The following CHAF1A variants were observed in gnomAD, a reference collection of about 807,000 sequenced individuals.
CHAF1A encodes the protein chromatin assembly factor 1 subunit A.
Under a neutral mutation model 93.2 loss-of-function variants are expected in CHAF1A, and 5 were observed. The ratio of observed to expected loss-of-function variants is 0.05; its 90% CI spans 0.03 to 0.11. CHAF1A has a LOEUF of 0.11. Ranked by LOEUF, CHAF1A falls within the 10% of genes least tolerant of loss-of-function variation. CHAF1A has a pLI of 1.00. For missense variants in CHAF1A, 1,102 were observed against 1,259.9 expected, an observed-to-expected ratio of 0.87 and a Z score of 1.90; for synonymous variants, 504 against 510.3, an observed-to-expected ratio of 0.99 and a Z score of 0.17.
chr19:4,437,047 G>A (rs1169775063), intron 13 of CHAF1A, among the ~76,000 whole-genome samples: 3 of 152,232 alleles, frequency 2.0e-5, no homozygotes, highest in Non-Finnish European at 2.9e-5. Context: ...ACCTGCTAAT[G>A]GATGGCAGTG....
intron 2 of CHAF1A, among the ~76,000 whole-genome samples, chr19:4,407,330 A>G (rs778929004): frequency 3.3e-5 from 5 of 151,624 alleles, no homozygotes; most frequent in Admixed American, 2.0e-4. Context: ...AAGTGAACAT[A>G]GGTTCTTTGG....
At chr19:4,446,598 G>A (rs371513236), downstream of CHAF1A, 15 of 1,612,540 alleles carry the variant, frequency 9.3e-6, no homozygotes, top group African/African-American at 1.9e-4. Flanking sequence ...GGAAGACGCG[G>A]CGCTGCCTGT....
At chr19:4,421,564 G>T (rs547831714) in intron 4 of CHAF1A, among the ~76,000 whole-genome samples, 1 of 152,136 alleles carries the variant, frequency 6.6e-6, no homozygotes, top group East Asian at 2.0e-4. Flanking sequence ...ATTGTTTGAG[G>T]CCACGTGTTC....
In CHAF1A at chr19:4,433,593, G is replaced by GT; in HGVS notation, c.2673+60dup. 1.5e-6 allele frequency: 2 copies of GT among 1,376,668 alleles called. No homozygotes were observed. The highest frequency in any genetic ancestry group is 2.0e-6 in the Non-Finnish European group (2 of 1,015,490). 85.3% of individuals were successfully genotyped at this position (1,376,668 alleles called of 1,614,324 possible). Reference sequence around the variant, plus strand: ...CTGCAGGGCTTTTCTTTTTTTGTTTGTTTTTTGTTGTTTTGTTTTTTTTTC... The same window carrying GT: ...CTGCAGGGCTTTTCTTTTTTTGTTTGTTTTTTTGTTGTTTTGTTTTTTTTTC... On this transcript the variant is annotated intron_variant, in intron 13 of 14. Transcript: ENST00000301280. The surrounding 1 kb of genome is among the most constrained non-coding windows in gnomAD (Gnocchi z 5.6).
rs904077403 is a variant in CHAF1A, at chr19:4,443,348, G to A, written c.*323G>A. The A allele has an allele frequency of 2.6e-5, 9 of 350,556 alleles. No homozygotes were observed. Among genetic ancestry groups the A allele is most frequent in the African/African-American group, 1.1e-4 (5 of 46,528 alleles). The allele number at this position is 350,556 out of a possible 1,614,324, so 21.7% of individuals were successfully genotyped here. A position where few individuals can be genotyped will look rare whatever the true frequency, so the allele number is the denominator to read the frequency against. On this transcript the variant is annotated 3_prime_UTR_variant, in exon 15 of 15. Transcript: ENST00000301280. ...GGACCACCCGCCTGGCCACGTGCGCGGGCCCCTGGACCTAACGAGGCAGTG... is the reference window on the plus strand; with the variant it reads ...GGACCACCCGCCTGGCCACGTGCGCAGGCCCCTGGACCTAACGAGGCAGTG...
At chr19:4,426,245 G>T (rs1218122022) in intron 7 of CHAF1A, among the ~76,000 whole-genome samples, 3 of 144,504 alleles carry the variant, frequency 2.1e-5, no homozygotes, top group Non-Finnish European at 3.0e-5. Context: ...TCGGCTCACT[G>T]CAAGCTCCAC....
At chr19:4,448,040 G>A (rs1351205052), downstream of CHAF1A, 13 of 546,176 alleles carry the variant, frequency 2.4e-5, no homozygotes, top group Admixed American at 1.6e-4. Context: ...GGGGAGTGGG[G>A]TGGGACCCTG....
In CHAF1A at chr19:4,433,039, C is replaced by G; in HGVS notation, c.2204-31C>G. ...CTGTGGTGATGGGTGGCTCCCCAAG[C>G]CTCATGCCCACCCATGTTCCCTCCT... On this transcript the variant is annotated intron_variant, in intron 12 of 14. Coordinates refer to ENST00000301280, the MANE Select transcript of CHAF1A (RefSeq NM_005483.3). The surrounding 1 kb of genome is among the most constrained non-coding windows in gnomAD (Gnocchi z 5.6). 2 of 1,491,184 alleles carry G rather than the reference C, an allele frequency of 1.3e-6. No individual in the cohort carries two copies. Among genetic ancestry groups the G allele is most frequent in the South Asian group, 1.3e-5 (1 of 78,030 alleles). 92.4% of individuals were successfully genotyped at this position (1,491,184 alleles called of 1,614,324 possible).
At position 4,425,233 on chromosome 19, in the gene CHAF1A, TTC is replaced by T. The variant is rs1005065743; in HGVS notation, c.1377+1365_1377+1366del. Among the ~76,000 whole-genome samples, 7 of 146,344 alleles carry T rather than the reference TTC, an allele frequency of 4.8e-5. No homozygotes were observed. In the South Asian group the frequency reaches 6.5e-4, roughly 14 times the overall value. On this transcript the variant is annotated intron_variant, in intron 7 of 14. Transcript: ENST00000301280. ...ATACTTCATAATGCAATGATATGGT[TTC>T]TCTCTTTTTTTACAAAAATTATTTA...
Position 4,430,635 on chromosome 19 carries a change from G to A in CHAF1A, c.1941G>A (p.Val647=). 6.2e-7 allele frequency: 1 copy of A among 1,613,732 alleles called. No individual in the cohort carries two copies. Among genetic ancestry groups the A allele is most frequent in the Admixed American group, 1.7e-5 (1 of 59,944 alleles). The change falls in exon 11 of 15, where the codon GTG becomes GTA. Residue 647 remains valine (V), a synonymous_variant. Coordinates refer to ENST00000301280, the MANE Select transcript of CHAF1A (RefSeq NM_005483.3). ...PHGYLSEDEG[V]TEECADPENH... ...GGTACCTGTCTGAGGACGAAGGTGTGACAGAGGTGAGGGAGTGAAGGGGGA... is the reference window on the plus strand; with the variant it reads ...GGTACCTGTCTGAGGACGAAGGTGTAACAGAGGTGAGGGAGTGAAGGGGGA...
At chr19:4,418,729 C>T (rs1421808695) in intron 4 of CHAF1A, among the ~76,000 whole-genome samples, 1 of 152,054 alleles carries the variant, frequency 6.6e-6, no homozygotes, top group Admixed American at 6.6e-5. Flanking sequence ...CTGTGTCTTT[C>T]ACTTATTGCT....
chr19:4,445,342 G>C, downstream of CHAF1A: 2 of 1,303,146 alleles, frequency 1.5e-6, no homozygotes, highest in Non-Finnish European at 2.1e-6. Context: ...CTGCCACGGG[G>C]CCCAATTCCA....
chr19:4,433,589 GTTTGT>G lies in CHAF1A; in HGVS notation c.2673+54_2673+58del. On this transcript the variant is annotated intron_variant, in intron 13 of 14. Coordinates refer to ENST00000301280, the MANE Select transcript of CHAF1A (RefSeq NM_005483.3). The surrounding 1 kb of genome is among the most constrained non-coding windows in gnomAD (Gnocchi z 5.6). ...GCCTCTGCAGGGCTTTTCTTTTTTT[GTTTGT>G]TTTTTGTTGTTTTGTTTTTTTTTCG... The G allele has an allele frequency of 7.0e-7, 1 of 1,419,324 alleles. No homozygotes were observed. Among genetic ancestry groups the G allele is most frequent in the Non-Finnish European group, 9.5e-7 (1 of 1,049,910 alleles). 87.9% of individuals were successfully genotyped at this position (1,419,324 alleles called of 1,614,324 possible).
In CHAF1A at chr19:4,431,936, C is replaced by T; in HGVS notation, c.1948-16C>T. The T allele has an allele frequency of 1.3e-6, 2 of 1,585,504 alleles. No homozygotes were observed. The highest frequency in any genetic ancestry group is 1.7e-6 in the Non-Finnish European group (2 of 1,161,014). On this transcript the variant is annotated splice_polypyrimidine_tract_variant and intron_variant, in intron 11 of 14. Transcript: ENST00000301280. ...AGCAAGAACCCCAAATAAACTTCTGCTTTCTAAACCACAAGGAGTGTGCCG... is the reference window on the plus strand; with the variant it reads ...AGCAAGAACCCCAAATAAACTTCTGTTTTCTAAACCACAAGGAGTGTGCCG...
chr19:4,446,782 T>G, downstream of CHAF1A: 1 of 1,612,996 alleles, frequency 6.2e-7, no homozygotes, highest in Non-Finnish European at 8.5e-7. Context: ...CGGGCCCTCC[T>G]GCCCCGAGGC....
rs529545128 is a variant in CHAF1A, at chr19:4,433,026, G to T, written c.2204-44G>T. On this transcript the variant is annotated intron_variant, in intron 12 of 14. Transcript: ENST00000301280. The surrounding 1 kb of genome is among the most constrained non-coding windows in gnomAD (Gnocchi z 5.6). Reference sequence around the variant, plus strand: ...TTTGTTTTTTGGCCTGTGGTGATGGGTGGCTCCCCAAGCCTCATGCCCACC... The same window carrying T: ...TTTGTTTTTTGGCCTGTGGTGATGGTTGGCTCCCCAAGCCTCATGCCCACC... 6.9e-7 allele frequency: 1 copy of T among 1,446,542 alleles called. No individual in the cohort carries two copies. Among genetic ancestry groups the T allele is most frequent in the Non-Finnish European group, 9.3e-7 (1 of 1,075,098 alleles). The allele number at this position is 1,446,542 out of a possible 1,614,324, so 89.6% of individuals were successfully genotyped here.
chr19:4,446,181 C>T (rs749660204), downstream of CHAF1A: 77 of 1,606,822 alleles, frequency 4.8e-5, no homozygotes, highest in Non-Finnish European at 3.6e-5. Context: ...CCAGCCGCTC[C>T]CGAGCGTAGA....
intron 4 of CHAF1A, among the ~76,000 whole-genome samples, chr19:4,418,481 T>G (rs1393875413): frequency 6.8e-6 from 1 of 147,902 alleles, no homozygotes; most frequent in African/African-American, 2.5e-5. Context: ...AGTGGTGCGA[T>G]CTCGGCTCAC....
chr19:4,428,726 C>T lies in CHAF1A; in HGVS notation c.1440C>T (p.Ala480=), dbSNP rs752209099. ...PFEIKEHMVL[A]PRRRTAFHPD... is the part of the protein sequence containing the mutation. ...AAATTAAAGAGCACATGGTCCTGGC[C>T]CCTCGGCGTCGGACCGCTTTCCATC... The change falls in exon 8 of 15, where the codon GCC becomes GCT. Residue 480 remains alanine (A), a synonymous_variant. Coordinates refer to ENST00000301280, the MANE Select transcript of CHAF1A (RefSeq NM_005483.3). 2 of 1,614,192 alleles carry T rather than the reference C, an allele frequency of 1.2e-6. No individual in the cohort carries two copies. The highest frequency in any genetic ancestry group is 1.7e-5 in the Admixed American group (1 of 60,022).
Sources: allele counts gnomAD v4.1 joint callset (sites outside exome capture counted in the v4.1 genomes callset), GRCh38; gene constraint gnomAD v4.1.1; non-coding constraint Gnocchi (gnomAD v3.1); transcripts MANE v1.5; gene names NCBI Gene and HGNC (gene_info 2026-07-23, HGNC 2026-07-21).